Variants in TTC7B observed in about 807,000 individuals in gnomAD.
The protein encoded by TTC7B is tetratricopeptide repeat protein 7B.
Under a neutral mutation model 106.8 loss-of-function variants are expected in TTC7B, and 28 were observed. That is an observed-to-expected ratio of 0.26 (90% CI 0.19 to 0.36). The LOEUF (loss-of-function observed/expected upper bound fraction) is 0.36, where lower values mean the gene tolerates loss of function less well. TTC7B is among the 10% of genes least tolerant of loss of function. The probability of loss-of-function intolerance (pLI) is 1.00; values close to 1 mark genes in which losing one functional copy is unlikely to be tolerated. For synonymous variants in TTC7B, 405 were observed against 430.6 expected, an observed-to-expected ratio of 0.94 and a Z score of 0.74; for missense variants, 862 against 1,076.4, an observed-to-expected ratio of 0.80 and a Z score of 2.79.
At chr14:90,729,312 C>T (rs1325424474) in intron 5 of TTC7B, among the ~76,000 whole-genome samples, 3 of 152,162 alleles carry the variant, frequency 2.0e-5, no homozygotes, top group African/African-American at 7.2e-5. Context: ...TTTCCAGAGG[C>T]TGGGGCTTGG....
intron 3 of TTC7B, among the ~76,000 whole-genome samples, chr14:90,754,599 A>G (rs1231512088): frequency 2.0e-5 from 3 of 152,318 alleles, no homozygotes; most frequent in African/African-American, 7.2e-5. Context: ...GATATTATTC[A>G]CATACCATAA....
At position 90,526,786 on chromosome 14, in the gene TTC7B, C is replaced by T. The variant is rs1185127857; in HGVS notation, c.*14582G>A. On this transcript the variant is annotated 3_prime_UTR_variant, in exon 20 of 20. Transcript: ENST00000328459. ...ATGTGAAGAAGGACATGTTTGCCTC[C>T]CCTTCCTCCATGATTGTAAGTTTCC... is the stretch of plus-strand genomic sequence containing the variant. 1 of 152,250 alleles carries T rather than the reference C, an allele frequency of 6.6e-6. No individual in the cohort carries two copies. Among genetic ancestry groups the T allele is most frequent in the Non-Finnish European group, 1.5e-5 (1 of 68,098 alleles). 9.4% of individuals were successfully genotyped at this position (152,250 alleles called of 1,614,324 possible). A position where few individuals can be genotyped will look rare whatever the true frequency, so the allele number is the denominator to read the frequency against.
In TTC7B at chr14:90,757,433, G is replaced by A. The variant is rs1302685806; in HGVS notation, c.446-12511C>T. On this transcript the variant is annotated intron_variant, in intron 3 of 19. Transcript: ENST00000328459. The surrounding 1 kb of genome is among the most constrained non-coding windows in gnomAD (Gnocchi z 4.1). ...CACTCCAGCCTGGGTGACAGGGCAG[G>A]ACCCTGTCTCTAAAAAAAGAAAGAA... 6.6e-6 allele frequency among the ~76,000 whole-genome samples: 1 copy of A among 151,952 alleles called. No homozygotes were observed. Among genetic ancestry groups the A allele is most frequent in the Non-Finnish European group, 1.5e-5 (1 of 68,002 alleles).
At chr14:90,752,781 G>T (rs780200999) in intron 3 of TTC7B, among the ~76,000 whole-genome samples, 33 of 152,202 alleles carry the variant, frequency 2.2e-4, no homozygotes, top group Non-Finnish European at 4.6e-4. Flanking sequence ...CCGACCCCTG[G>T]TCTATCTGAC....
chr14:90,766,947 T>C lies in TTC7B; in HGVS notation c.445+13791A>G. 4 of 1,475,944 alleles carry C rather than the reference T, an allele frequency of 2.7e-6. No homozygotes were observed. In the South Asian group the frequency reaches 4.6e-5, roughly 17 times the overall value. 91.4% of individuals were successfully genotyped at this position (1,475,944 alleles called of 1,614,324 possible). A position where few individuals can be genotyped will look rare whatever the true frequency, so the allele number is the denominator to read the frequency against. On this transcript the variant is annotated intron_variant, in intron 3 of 19. Coordinates refer to ENST00000328459, the MANE Select transcript of TTC7B (RefSeq NM_001010854.2). ...TCCAAAGTCAGCACACCAAGACCACTGGCCGCCATGGCCGCACTGTGGGTG... is the reference window on the plus strand; with the variant it reads ...TCCAAAGTCAGCACACCAAGACCACCGGCCGCCATGGCCGCACTGTGGGTG...
intron 7 of TTC7B, among the ~76,000 whole-genome samples, chr14:90,684,880 A>G (rs1317640789): frequency 6.6e-6 from 1 of 152,214 alleles, no homozygotes; most frequent in African/African-American, 2.4e-5. Flanking sequence ...TGTATCCAAA[A>G]AAGCTTACTC....
intron 15 of TTC7B, among the ~76,000 whole-genome samples, chr14:90,630,720 A>G (rs1397390987): frequency 6.6e-6 from 1 of 152,170 alleles, no homozygotes; most frequent in Non-Finnish European, 1.5e-5. Context: ...CGTACCTCAT[A>G]TGAGTAGAGT....
chr14:90,767,034 AAAAAAAAAAAAG>A (rs1326057577), intron 3 of TTC7B: 5 of 823,416 alleles, frequency 6.1e-6, no homozygotes, highest in East Asian at 5.5e-5. Context: ...ATACCAAAAA[AAAAAAAAAAAAG>A]AAAGAAAGGA....
chr14:90,597,921 C>T (rs994206640), intron 17 of TTC7B, among the ~76,000 whole-genome samples: 1 of 152,184 alleles, frequency 6.6e-6, no homozygotes, highest in South Asian at 2.1e-4. Context: ...AAAAAGGAAT[C>T]AGAAGTTAGA....
intron 5 of TTC7B, among the ~76,000 whole-genome samples, chr14:90,729,560 C>G (rs1889244562): frequency 6.6e-6 from 1 of 152,226 alleles, no homozygotes. Context: ...ACATCAAATG[C>G]ACTCGAGAGC....
At chr14:90,595,383 T>C (rs1215186337) in intron 17 of TTC7B, among the ~76,000 whole-genome samples, 2 of 152,066 alleles carry the variant, frequency 1.3e-5, no homozygotes, top group East Asian at 1.9e-4. Flanking sequence ...AAGAGTCTAA[T>C]TGATGGTATA....
chr14:90,665,609 AT>A (rs1162758299), intron 9 of TTC7B, among the ~76,000 whole-genome samples: 2 of 152,272 alleles, frequency 1.3e-5, no homozygotes, highest in African/African-American at 4.8e-5. Context: ...AAGATTCTGC[AT>A]CCAAATCCCA....
intron 3 of TTC7B, among the ~76,000 whole-genome samples, chr14:90,754,123 G>T (rs1890214567): frequency 6.6e-6 from 1 of 152,138 alleles, no homozygotes; most frequent in African/African-American, 2.4e-5. Context: ...AACCCTACGA[G>T]GGGGGATTTA....
intron 3 of TTC7B, chr14:90,772,512 T>C (rs974230650): frequency 2.6e-5 from 4 of 152,188 alleles, no homozygotes; most frequent in African/African-American, 9.7e-5. Flanking sequence ...CCCACTTTTA[T>C]ATAAAAAAAT....
intron 15 of TTC7B, among the ~76,000 whole-genome samples, chr14:90,635,671 G>A (rs1286433): frequency 0.85 from 128,130 of 150,198 alleles, 54,892 homozygotes; most frequent in Admixed American, 0.9. Flanking sequence ...GAGGCAGGAG[G>A]ATGGCGTGAA....
chr14:90,590,146 G>T (rs1891895755), intron 18 of TTC7B, among the ~76,000 whole-genome samples: 1 of 152,160 alleles, frequency 6.6e-6, no homozygotes, highest in African/African-American at 2.4e-5. Flanking sequence ...TCAATTGTGT[G>T]CCATGGACCT....
chr14:90,631,986 T>A (rs1884723979), intron 15 of TTC7B, among the ~76,000 whole-genome samples: 1 of 152,174 alleles, frequency 6.6e-6, no homozygotes, highest in African/African-American at 2.4e-5. Context: ...TGTTTCGTTT[T>A]GTTAGGGTTG....
chr14:90,766,899 G>C, intron 3 of TTC7B: 1 of 1,574,996 alleles, frequency 6.3e-7, no homozygotes. Context: ...ATAGAGGGCT[G>C]TGCCACTCCT....
intron 19 of TTC7B, among the ~76,000 whole-genome samples, chr14:90,557,116 A>G (rs1890345718): frequency 6.6e-6 from 1 of 152,104 alleles, no homozygotes; most frequent in African/African-American, 2.4e-5. Context: ...AAAGACCCTG[A>G]CAGAGCCCCA....
Sources: gnomAD v4.1 joint callset for allele counts (sites outside exome capture counted in the v4.1 genomes callset) on GRCh38, gnomAD v4.1.1 for gene constraint, Gnocchi (gnomAD v3.1) non-coding constraint, MANE v1.5 for transcripts, NCBI Gene and HGNC (gene_info 2026-07-23, HGNC 2026-07-21) for gene names.